SLC24A3: variants seen among roughly 807,000 people sequenced by gnomAD.
SLC24A3 encodes sodium/potassium/calcium exchanger 3.
In SLC24A3, 28 loss-of-function variants were observed where a neutral mutation model predicts 75.8. The observed-to-expected ratio is 0.37, with a 90% CI of 0.27 to 0.51. SLC24A3 has a LOEUF of 0.51. Among genes scored for constraint, SLC24A3 ranks in the 20% least tolerant of loss-of-function variants. The pLI is 0.94. For missense variants in SLC24A3, 663 were observed against 847.8 expected, an observed-to-expected ratio of 0.78 and a Z score of 2.71; for synonymous variants, 372 against 334.1, an observed-to-expected ratio of 1.11 and a Z score of -1.24.
At chr20:19,604,089 T>A (rs1376265020) in intron 6 of SLC24A3, among the ~76,000 whole-genome samples, 20 of 152,150 alleles carry the variant, frequency 1.3e-4, no homozygotes, top group Non-Finnish European at 1.9e-4. Context: ...GATATGATGG[T>A]GACCAAGACA....
intron 1 of SLC24A3, among the ~76,000 whole-genome samples, chr20:19,225,131 C>T (rs1038223368): frequency 7.2e-5 from 11 of 152,096 alleles, no homozygotes; most frequent in African/African-American, 1.7e-4. Context: ...GATGATTGAC[C>T]GTTTTGAAAA....
intron 2 of SLC24A3, among the ~76,000 whole-genome samples, chr20:19,431,601 C>T (rs914089448): frequency 2.0e-5 from 3 of 152,040 alleles, no homozygotes; most frequent in African/African-American, 7.2e-5. Context: ...CAAACTACTA[C>T]TGAGCAATTG....
chr20:19,246,308 T>C (rs2122172543), intron 1 of SLC24A3, among the ~76,000 whole-genome samples: 1 of 152,200 alleles, frequency 6.6e-6, no homozygotes, highest in South Asian at 2.1e-4. Context: ...AAGGAAATAA[T>C]ATATATGAGT....
At chr20:19,464,671 A>C (rs76680170) in intron 2 of SLC24A3, among the ~76,000 whole-genome samples, 2 of 152,254 alleles carry the variant, frequency 1.3e-5, no homozygotes, top group African/African-American at 2.4e-5. Context: ...CACAGTCTAC[A>C]TACAGAGTAC....
chr20:19,461,780 G>C (rs1410150004), intron 2 of SLC24A3, among the ~76,000 whole-genome samples: 1 of 152,032 alleles, frequency 6.6e-6, no homozygotes, highest in Admixed American at 6.6e-5. Context: ...CCATCTGCCC[G>C]CCTCTGCCTC....
intron 3 of SLC24A3, among the ~76,000 whole-genome samples, chr20:19,539,435 G>T (rs1368484302): frequency 6.6e-6 from 1 of 152,166 alleles, no homozygotes. Context: ...CTTGTGTGGG[G>T]TCGTGAGCTT....
chr20:19,634,572 T>TAA, intron 6 of SLC24A3, among the ~76,000 whole-genome samples: 1 of 152,012 alleles, frequency 6.6e-6, no homozygotes, highest in Non-Finnish European at 1.5e-5. Flanking sequence ...TGCTCAACAA[T>TAA]AAAAAAGAGA....
intron 2 of SLC24A3, among the ~76,000 whole-genome samples, chr20:19,441,085 A>G (rs777230489): frequency 3.9e-5 from 6 of 152,184 alleles, no homozygotes; most frequent in Non-Finnish European, 5.9e-5. Flanking sequence ...TGGGTGAGGC[A>G]GCTTTTGAAA....
At chr20:19,480,366 A>G (rs937561139) in intron 2 of SLC24A3, among the ~76,000 whole-genome samples, 10 of 152,122 alleles carry the variant, frequency 6.6e-5, no homozygotes, top group Admixed American at 1.3e-4. Context: ...TATAAATATC[A>G]TATTCTACAT....
chr20:19,582,747 G>A (rs1311463234), intron 4 of SLC24A3, among the ~76,000 whole-genome samples: 1 of 152,212 alleles, frequency 6.6e-6, no homozygotes, highest in Non-Finnish European at 1.5e-5. Flanking sequence ...ACAGTAGACA[G>A]CCTCAGCTGC....
At chr20:19,222,648 A>G (rs950466839) in intron 1 of SLC24A3, among the ~76,000 whole-genome samples, 4 of 152,168 alleles carry the variant, frequency 2.6e-5, no homozygotes, top group South Asian at 4.1e-4. Flanking sequence ...TTCAGCCCTC[A>G]CAACTGTGAG....
intron 2 of SLC24A3, among the ~76,000 whole-genome samples, chr20:19,456,655 A>G (rs927264518): frequency 1.2e-4 from 19 of 152,280 alleles, no homozygotes; most frequent in Admixed American, 1.2e-3. Flanking sequence ...CCAGGATGTC[A>G]GTAACCAGGC....
chr20:19,703,318 C>T (rs1464949205), intron 15 of SLC24A3, among the ~76,000 whole-genome samples: 1 of 152,194 alleles, frequency 6.6e-6, no homozygotes, highest in Non-Finnish European at 1.5e-5. Flanking sequence ...CCACGTTCTT[C>T]CTTGTTTCAC....
intron 1 of SLC24A3, among the ~76,000 whole-genome samples, chr20:19,226,150 G>A (rs1981863234): frequency 6.6e-6 from 1 of 152,132 alleles, no homozygotes; most frequent in African/African-American, 2.4e-5. Flanking sequence ...TTTATCAGAT[G>A]TTTTTCATGT....
chr20:19,262,423 AAAAG>A (rs1186919345), intron 1 of SLC24A3, among the ~76,000 whole-genome samples: 220 of 147,614 alleles, frequency 1.5e-3, no homozygotes, highest in African/African-American at 5.5e-3. Flanking sequence ...AAAAAAAAAA[AAAAG>A]AAAGAGAGAG....
chr20:19,599,078 C>G (rs1600297038), intron 6 of SLC24A3, among the ~76,000 whole-genome samples: 1 of 152,268 alleles, frequency 6.6e-6, no homozygotes, highest in East Asian at 1.9e-4. Flanking sequence ...CCCATGGTGT[C>G]GGTTCTTCTT....
chr20:19,434,621 A>G (rs1782162379), intron 2 of SLC24A3, among the ~76,000 whole-genome samples: 1 of 152,146 alleles, frequency 6.6e-6, no homozygotes, highest in Non-Finnish European at 1.5e-5. Flanking sequence ...GCTATCTACC[A>G]TTCTCTTTTT....
intron 9 of SLC24A3, among the ~76,000 whole-genome samples, chr20:19,673,870 G>A (rs536491338): frequency 1.3e-5 from 2 of 152,318 alleles, no homozygotes; most frequent in African/African-American, 4.8e-5. Flanking sequence ...TAGACTCAAA[G>A]CTTCAGTGTT....
chr20:19,496,797 G>A (rs79422318), intron 2 of SLC24A3, among the ~76,000 whole-genome samples: 2,547 of 152,168 alleles, frequency 0.017, 74 homozygotes, highest in African/African-American at 0.056. Flanking sequence ...TCTGGGAGCT[G>A]GAGTTAGCAA....
Sources: allele counts gnomAD v4.1 joint callset (sites outside exome capture counted in the v4.1 genomes callset), GRCh38; gene constraint gnomAD v4.1.1; transcripts MANE v1.5; gene names NCBI Gene and HGNC (gene_info 2026-07-23, HGNC 2026-07-21).